The following VPS35 variants were observed in gnomAD, a reference collection of about 807,000 sequenced individuals.
The protein encoded by VPS35 is VPS35 retromer complex component.
In VPS35, 21 loss-of-function variants were observed where a neutral mutation model predicts 98.1. The ratio of observed to expected loss-of-function variants is 0.21; its 90% CI spans 0.15 to 0.31. The LOEUF (loss-of-function observed/expected upper bound fraction) is 0.31, where lower values mean the gene tolerates loss of function less well. Among genes scored for constraint, VPS35 ranks in the 10% least tolerant of loss-of-function variants. The pLI, the probability that VPS35 is intolerant of heterozygous loss-of-function variation, is 1.00. For missense variants in VPS35, 554 were observed against 950.8 expected, an observed-to-expected ratio of 0.58 and a Z score of 5.49; for synonymous variants, 268 against 318.2, an observed-to-expected ratio of 0.84 and a Z score of 1.68.
At chr16:46,683,774 G>T (rs1408015220) in intron 1 of VPS35, among the ~76,000 whole-genome samples, 168 bp from the exon 2 acceptor site, 1 of 152,104 alleles carries the variant, frequency 6.6e-6, no homozygotes, top group African/African-American at 2.4e-5. Flanking sequence ...GCCCAGGCTG[G>T]AGTGCAGTGG....
intron 10 of VPS35, 120 bp downstream of exon 10, chr16:46,674,194 A>C: frequency 8.8e-7 from 1 of 1,132,154 alleles, no homozygotes; most frequent in South Asian, 1.4e-5. Flanking sequence ...TAAGCATGAC[A>C]ATCTTAATGC....
Position 46,656,167 on chromosome 16 carries a change from A to C in VPS35, c.*4305T>G, listed in dbSNP as rs1965842169. On this transcript the variant is annotated 3_prime_UTR_variant, in exon 17 of 17. Coordinates refer to ENST00000299138, the MANE Select transcript of VPS35 (RefSeq NM_018206.6). Reference sequence around the variant, plus strand: ...CATAGATTTTACATTTTACATTTGCAAAACCATACTAGAAGATACGGCTCC... The same window carrying C: ...CATAGATTTTACATTTTACATTTGCCAAACCATACTAGAAGATACGGCTCC... 6.6e-6 allele frequency: 1 copy of C among 152,086 alleles called. No individual in the cohort carries two copies. Among genetic ancestry groups the C allele is most frequent in the Admixed American group, 6.5e-5 (1 of 15,270 alleles). 9.4% of individuals were successfully genotyped at this position (152,086 alleles called of 1,614,324 possible).
Position 46,663,862 on chromosome 16 carries a change from A to ATTTTTTTTTTTTTTTTTTTT in VPS35, c.1648-720_1648-701dup, listed in dbSNP as rs546485076. Among the ~76,000 whole-genome samples, 54 of 28,686 alleles carry ATTTTTTTTTTTTTTTTTTTT rather than the reference A, an allele frequency of 1.9e-3. 18 individuals are homozygous for ATTTTTTTTTTTTTTTTTTTT. The highest frequency in any genetic ancestry group is 2.8e-3 in the East Asian group (2 of 704). The allele number at this position is 28,686 out of a possible 152,430, so 18.8% of individuals were successfully genotyped here. A position where few individuals can be genotyped will look rare whatever the true frequency, so the allele number is the denominator to read the frequency against. On this transcript the variant is annotated intron_variant, in intron 13 of 16. Coordinates refer to ENST00000299138, the MANE Select transcript of VPS35 (RefSeq NM_018206.6). ...AGGCTTGCATCACCACACCTGGCTA[A>ATTTTTTTTTTTTTTTTTTTT]TTTTTTTTTTTTTTTTTTTTTTTTT...
chr16:46,666,696 T>C lies in VPS35; in HGVS notation c.1647+2234A>G, dbSNP rs934281214. ...CTTTCTGTGTTTGGCTTATTTCACT[T>C]AGAACAATGTCCTCCAGATTAATCC... On this transcript the variant is annotated intron_variant, in intron 13 of 16. Coordinates refer to ENST00000299138, the MANE Select transcript of VPS35 (RefSeq NM_018206.6). Among the ~76,000 whole-genome samples the C allele has an allele frequency of 3.3e-5, 5 of 152,242 alleles. No individual in the cohort carries two copies. The South Asian group carries it at 8.3e-4, about 25-fold the overall frequency.
chr16:46,662,945 A>G (rs1965934601), intron 14 of VPS35, 38 bp downstream of exon 14: 1 of 1,613,320 alleles, frequency 6.2e-7, no homozygotes, highest in African/African-American at 1.3e-5. Flanking sequence ...TGAACCCAGC[A>G]GAGCTGACAT....
At position 46,674,526 on chromosome 16, in the gene VPS35, T is replaced by C. The variant is rs763097703; in HGVS notation, c.1011+38A>G. On this transcript the variant is annotated intron_variant, in intron 9 of 16. Transcript: ENST00000299138. Reference sequence around the variant, plus strand: ...ATTGTAAAAGGAAGGCAGAGAAGTTTCAAAGTTTTGAGAACTTAGGAGAAA... The same window carrying C: ...ATTGTAAAAGGAAGGCAGAGAAGTTCCAAAGTTTTGAGAACTTAGGAGAAA... 2.5e-6 allele frequency: 4 copies of C among 1,606,108 alleles called. No homozygotes were observed. The African/African-American group carries it at 5.3e-5, about 21-fold the overall frequency.
At chr16:46,669,109 A>C (rs1966031717) in intron 12 of VPS35, 57 bp from the exon 13 acceptor site, 2 of 1,600,530 alleles carry the variant, frequency 1.2e-6, no homozygotes, top group Admixed American at 1.7e-5. Context: ...ATCATTTGTG[A>C]AATAAATGTG....
At chr16:46,684,238 C>T (rs767580347) in intron 1 of VPS35, among the ~76,000 whole-genome samples, 3 of 152,196 alleles carry the variant, frequency 2.0e-5, no homozygotes, top group East Asian at 1.9e-4. Flanking sequence ...TCTGACCAAT[C>T]GAAATCTTGT....
intron 16 of VPS35, 22 bp from the exon 17 acceptor site, chr16:46,660,673 T>G (rs559883982): frequency 2.1e-5 from 34 of 1,609,532 alleles, no homozygotes; most frequent in Non-Finnish European, 2.8e-5. Context: ...TATGTACAAA[T>G]TCATGATCAA....
At position 46,659,278 on chromosome 16, in the gene VPS35, C is replaced by T. The variant is rs530343884; in HGVS notation, c.*1194G>A. ...AGCATCAGATGACTGCAGCCCCAAC[C>T]AGTATCTTGTTTGCAACCTTACACC... On this transcript the variant is annotated 3_prime_UTR_variant, in exon 17 of 17. Transcript: ENST00000299138. 1.3e-5 allele frequency: 2 copies of T among 152,346 alleles called. 1 individual carries two copies. Among genetic ancestry groups the T allele is most frequent in the South Asian group, 4.1e-4 (2 of 4,838 alleles). 9.4% of individuals were successfully genotyped at this position (152,346 alleles called of 1,614,324 possible).
chr16:46,678,360 T>TA (rs1214288489), intron 6 of VPS35, among the ~76,000 whole-genome samples: 72 of 151,688 alleles, frequency 4.7e-4, no homozygotes, highest in Admixed American at 9.2e-4. Context: ...TTTTAAAGTT[T>TA]ACAAACTTAT....
chr16:46,679,470 G>A (rs1045911900), intron 5 of VPS35, among the ~76,000 whole-genome samples: 4 of 152,260 alleles, frequency 2.6e-5, no homozygotes, highest in South Asian at 2.1e-4. Flanking sequence ...GCTCATGTCC[G>A]TAATCCAGTG....
Position 46,679,108 on chromosome 16 carries a change from G to T in VPS35, c.555C>A (p.Leu185=), listed in dbSNP as rs1184114880. The T allele has an allele frequency of 1.2e-6, 2 of 1,613,758 alleles. No homozygotes were observed. Among genetic ancestry groups the T allele is most frequent in the East Asian group, 4.5e-5 (2 of 44,878 alleles). ...AGAGCTTGTTCATTTCTGCAAAGTT[G>T]AGCAGTACAAAATCCATGGAATCAC... is the stretch of plus-strand genomic sequence containing the variant. The part of the protein sequence containing the change: ...DISDSMDFVL[L]NFAEMNKLWV... The change falls in exon 6 of 17, where the codon CTC becomes CTA. Residue 185 remains leucine (L), a synonymous_variant. Transcript: ENST00000299138.
chr16:46,676,520 A>G (rs1315062600), intron 8 of VPS35, 63 bp downstream of exon 8: 1 of 1,023,392 alleles, frequency 9.8e-7, no homozygotes, highest in Non-Finnish European at 1.5e-6. Flanking sequence ...TAATTCAAAA[A>G]AATGTTTAAA....
chr16:46,662,740 C>A (rs1965931907), intron 14 of VPS35, among the ~76,000 whole-genome samples: 1 of 152,104 alleles, frequency 6.6e-6, no homozygotes, highest in South Asian at 2.1e-4. Flanking sequence ...GTGCATTTCC[C>A]GAATTTTATG....
chr16:46,674,315 G>T lies in VPS35; in HGVS notation c.1159C>A (p.His387Asn). 1 of 1,613,996 alleles carries T rather than the reference G, an allele frequency of 6.2e-7. No homozygotes were observed. The highest frequency in any genetic ancestry group is 8.5e-7 in the Non-Finnish European group (1 of 1,179,954). The change falls in exon 10 of 17, where the codon CAT (histidine) becomes AAT (asparagine). Residue 387 changes from histidine to asparagine, a missense_variant and splice_region_variant. His to Asn is a moderately conservative substitution (Grantham distance 68, BLOSUM62 1). Transcript: ENST00000299138. ...TTTACAAAAATGTAACTGACTTACTGTTCAAGGTTGAGCTTATTGAATATC... is the reference window on the plus strand; with the variant it reads ...TTTACAAAAATGTAACTGACTTACTTTTCAAGGTTGAGCTTATTGAATATC... ...VEIFNKLNLE[H>N]IATSSAVSKE...
chr16:46,680,927 A>C, intron 4 of VPS35, 74 bp from the exon 5 acceptor site: 3 of 1,442,732 alleles, frequency 2.1e-6, no homozygotes, highest in Non-Finnish European at 2.9e-6. Context: ...AACACACTGA[A>C]CAAAACATTA....
intron 6 of VPS35, 144 bp from the exon 7 acceptor site, chr16:46,677,542 TTTTTTC>T: frequency 1.4e-6 from 1 of 732,536 alleles, no homozygotes. Flanking sequence ...CTTTAAAAGC[TTTTTTC>T]TTTTTGAGAC....
intron 16 of VPS35, chr16:46,660,945 G>C (rs1338925473): frequency 7.1e-6 from 3 of 421,816 alleles, no homozygotes; most frequent in Admixed American, 3.4e-5. Flanking sequence ...CAGGAGTTTT[G>C]AGACCAGCCT....
Sources: allele counts gnomAD v4.1 joint callset (sites outside exome capture counted in the v4.1 genomes callset), GRCh38; gene constraint gnomAD v4.1.1; transcripts MANE v1.5; gene names NCBI Gene and HGNC (gene_info 2026-07-23, HGNC 2026-07-21).